RAPGEF1: variants seen among roughly 807,000 people sequenced by gnomAD.
RAPGEF1 encodes CRK SH3-binding GNRP.
A neutral mutation model predicts 143.3 loss-of-function variants in RAPGEF1; 33 were observed. The observed-to-expected ratio is 0.23, with a 90% confidence interval of 0.17 to 0.31. The LOEUF is 0.31. Ranked by LOEUF, RAPGEF1 falls within the 10% of genes least tolerant of loss-of-function variation. RAPGEF1 has a pLI of 1.00. For missense variants in RAPGEF1, 1,199 were observed against 1,645.4 expected (o/e 0.73, Z 4.69); for synonymous variants, 629 against 676.5 (o/e 0.93, Z 1.09).
intron 1 of RAPGEF1, among the ~76,000 whole-genome samples, chr9:131,720,717 C>G (rs896887533): frequency 6.6e-6 from 1 of 152,150 alleles, no homozygotes; most frequent in Non-Finnish European, 1.5e-5. Context: ...CTTTAACCTC[C>G]TCCCACAGTA....
At chr9:131,590,705 C>T (rs935255118) in intron 18 of RAPGEF1, among the ~76,000 whole-genome samples, 4 of 152,256 alleles carry the variant, frequency 2.6e-5, no homozygotes, top group African/African-American at 7.2e-5. Flanking sequence ...GGGCTCAGGA[C>T]AGAGCAACGT....
chr9:131,695,204 C>T (rs1442978771), intron 1 of RAPGEF1, among the ~76,000 whole-genome samples: 1 of 152,152 alleles, frequency 6.6e-6, no homozygotes, highest in Non-Finnish European at 1.5e-5. Flanking sequence ...TTCTGAGTTA[C>T]CACTCTCTCA....
intron 1 of RAPGEF1, among the ~76,000 whole-genome samples, chr9:131,737,969 A>G (rs150766257): frequency 6.8e-3 from 1 of 146 alleles, no homozygotes; most frequent in Admixed American, 0.17. Context: ...CTCCGTCTCA[A>G]AAAAAAAAAA....
chr9:131,633,749 T>C (rs781403030), intron 5 of RAPGEF1, among the ~76,000 whole-genome samples: 3 of 152,092 alleles, frequency 2.0e-5, no homozygotes, highest in Admixed American at 6.5e-5. Context: ...TTACCACCTA[T>C]CTCCCTGCCT....
At chr9:131,709,512 G>A in intron 1 of RAPGEF1, 1 of 965,232 alleles carries the variant, frequency 1.0e-6, no homozygotes. Flanking sequence ...TGTGCTTTCT[G>A]CTCTGGAAGG....
intron 1 of RAPGEF1, among the ~76,000 whole-genome samples, chr9:131,717,192 A>G (rs112151683): frequency 2.0e-4 from 31 of 152,156 alleles, no homozygotes; most frequent in African/African-American, 6.3e-4. Context: ...TGCCCTTTAC[A>G]ACTCCCCGCC....
intron 20 of RAPGEF1, 33 bp downstream of exon 20, chr9:131,588,768 G>T: frequency 6.3e-7 from 1 of 1,583,916 alleles, no homozygotes; most frequent in Non-Finnish European, 8.6e-7. Flanking sequence ...GGCTCCTGGG[G>T]AAGAGGCAGG....
intron 1 of RAPGEF1, among the ~76,000 whole-genome samples, chr9:131,657,588 C>T (rs78358526): frequency 8.0e-5 from 12 of 150,794 alleles, no homozygotes; most frequent in East Asian, 7.7e-4. Flanking sequence ...TGGAGGCGGC[C>T]GGTACCTGAA....
intron 1 of RAPGEF1, among the ~76,000 whole-genome samples, chr9:131,729,247 T>C (rs903818578): frequency 3.3e-5 from 5 of 151,336 alleles, no homozygotes; most frequent in African/African-American, 1.2e-4. Flanking sequence ...ACGCAGGTGG[T>C]GGCTGACTGT....
At chr9:131,664,112 C>T (rs1050860806) in intron 1 of RAPGEF1, among the ~76,000 whole-genome samples, 1 of 152,158 alleles carries the variant, frequency 6.6e-6, no homozygotes, top group African/African-American at 2.4e-5. Flanking sequence ...CCAAACTTGG[C>T]CAGAGGGAAC....
intron 10 of RAPGEF1, among the ~76,000 whole-genome samples, chr9:131,624,537 G>A (rs1193104031): frequency 1.3e-5 from 2 of 152,208 alleles, no homozygotes; most frequent in Non-Finnish European, 2.9e-5. Context: ...AGCTGGAAGG[G>A]TAAGGCTCTC....
At chr9:131,682,796 G>A (rs965598741) in intron 1 of RAPGEF1, among the ~76,000 whole-genome samples, 4 of 152,118 alleles carry the variant, frequency 2.6e-5, no homozygotes, top group Admixed American at 1.3e-4. Context: ...ACTATTCAGG[G>A]AAACAAATTT....
At chr9:131,707,071 C>A (rs966081899) in intron 1 of RAPGEF1, among the ~76,000 whole-genome samples, 1 of 152,212 alleles carries the variant, frequency 6.6e-6, no homozygotes, top group Admixed American at 6.5e-5. Flanking sequence ...CAGAGACAAT[C>A]CAAACGTAAG....
chr9:131,666,795 T>C (rs185293776), intron 1 of RAPGEF1, among the ~76,000 whole-genome samples: 241 of 152,344 alleles, frequency 1.6e-3, no homozygotes, highest in African/African-American at 5.4e-3. Flanking sequence ...TAATCTGCTG[T>C]GGATTTTATA....
intron 1 of RAPGEF1, among the ~76,000 whole-genome samples, chr9:131,728,327 C>T (rs192201318): frequency 1.3e-5 from 2 of 152,324 alleles, no homozygotes; most frequent in East Asian, 3.9e-4. Context: ...CATTTCACCT[C>T]CAGAGCTGAA....
At chr9:131,658,992 A>G (rs1973268618) in intron 1 of RAPGEF1, among the ~76,000 whole-genome samples, 1 of 152,230 alleles carries the variant, frequency 6.6e-6, no homozygotes, top group Admixed American at 6.5e-5. Flanking sequence ...ACACGGGATC[A>G]CAAAGTCAAG....
Position 131,706,513 on chromosome 9 carries a change from G to A in RAPGEF1, c.61+33257C>T, listed in dbSNP as rs576663083. Among the ~76,000 whole-genome samples the A allele has an allele frequency of 2.6e-5, 4 of 152,148 alleles. No homozygotes were observed. The East Asian group carries it at 5.8e-4, about 22-fold the overall frequency. ...TCGAACTCCTGAACTCAAGTGATCC[G>A]CCTGCCTCGGCCTCCCAAAGTGCTG... On this transcript the variant is annotated intron_variant, in intron 1 of 26. Coordinates refer to ENST00000683357, the MANE Select transcript of RAPGEF1 (RefSeq NM_001377935.1).
In RAPGEF1 at chr9:131,628,636, C is replaced by T. The variant is rs369641251; in HGVS notation, c.930G>A (p.Ser310=). 2.9e-5 allele frequency: 47 copies of T among 1,610,474 alleles called. No individual in the cohort carries two copies. Among genetic ancestry groups the T allele is most frequent in the Middle Eastern group, 1.7e-4 (1 of 6,054 alleles). ...PPALPPKKRQ[S]APSPTRVAVV... ...CAGCCACTCGGGTAGGGGACGGCGC[C>T]GACTGTCTTTTCTTGGGTGGCAATG... Residue 310 remains serine (S), a synonymous_variant, in exon 8 of 27, where the codon TCG becomes TCA. Transcript: ENST00000683357. The surrounding 1 kb of genome is among the most constrained non-coding windows in gnomAD (Gnocchi z 5.7).
intron 1 of RAPGEF1, 116 bp from the exon 2 acceptor site, chr9:131,651,065 A>C (rs1478984689): frequency 1.5e-6 from 2 of 1,297,226 alleles, no homozygotes; most frequent in Non-Finnish European, 2.1e-6. Context: ...GGCTGTTGAG[A>C]GTTTCAAGGG....
Sources: allele counts gnomAD v4.1 joint callset (sites outside exome capture counted in the v4.1 genomes callset), GRCh38; gene constraint gnomAD v4.1.1; non-coding constraint Gnocchi (gnomAD v3.1); transcripts MANE v1.5; gene names NCBI Gene and HGNC (gene_info 2026-07-23, HGNC 2026-07-21).